Variants in ASNS observed in about 807,000 individuals in gnomAD.
ASNS encodes the protein asparagine synthetase (glutamine-hydrolyzing), also known as asparagine synthetase [glutamine-hydrolyzing].
In ASNS, 37 loss-of-function variants were observed where a neutral mutation model predicts 62.6. That is an observed-to-expected ratio of 0.59 (90% CI 0.45 to 0.78). The LOEUF is 0.78. Among genes scored for constraint, ASNS ranks in the 30% least tolerant of loss-of-function variants. The probability of loss-of-function intolerance (pLI) is 0.00; values close to 1 mark genes in which losing one functional copy is unlikely to be tolerated. For missense variants in ASNS, 520 were observed against 682.4 expected (o/e 0.76, Z 2.65); for synonymous variants, 207 against 237.9 (o/e 0.87, Z 1.19).
In ASNS at chr7:97,853,057, T is replaced by C; in HGVS notation, c.1476+3A>G. The C allele has an allele frequency of 2.6e-6, 4 of 1,562,412 alleles. No homozygotes were observed. Among genetic ancestry groups the C allele is most frequent in the Non-Finnish European group, 3.5e-6 (4 of 1,157,926 alleles). ...CCTGAAAATGTTTTTAAAGACATTA[T>C]ACCTGATGTTCAACGTATTCCTGTA... On this transcript the variant is annotated splice_donor_region_variant and intron_variant, in intron 12 of 12. Transcript: ENST00000394308.
chr7:97,896,619 CAT>C, the ASNS span, among the ~76,000 whole-genome samples: 5 of 125,476 alleles, frequency 4.0e-5, no homozygotes, highest in South Asian at 1.1e-3. Flanking sequence ...AAAAAAACCA[CAT>C]ATATATATGT....
the ASNS span, among the ~76,000 whole-genome samples, chr7:97,882,049 G>A: frequency 4.3e-4 from 66 of 152,096 alleles, no homozygotes; most frequent in African/African-American, 1.6e-3. Flanking sequence ...ACGAGGTCTC[G>A]TCCTGTTGCC....
At chr7:97,857,613 GT>G (rs1253531696) in intron 7 of ASNS, among the ~76,000 whole-genome samples, 16 of 78,606 alleles carry the variant, frequency 2.0e-4, no homozygotes, top group Admixed American at 1.4e-3. Context: ...ATGCCTTTAC[GT>G]TTAAAAAAAA....
upstream of ASNS, among the ~76,000 whole-genome samples, chr7:97,876,973 C>A (rs200236746): frequency 6.6e-6 from 1 of 152,118 alleles, no homozygotes; most frequent in Non-Finnish European, 1.5e-5. Flanking sequence ...CTTTCCTGAG[C>A]CTCAGACTCA....
At chr7:97,899,543 A>G in the ASNS span, among the ~76,000 whole-genome samples, 1 of 152,352 alleles carries the variant, frequency 6.6e-6, no homozygotes, top group East Asian at 1.9e-4. Flanking sequence ...AAACATTACC[A>G]GTCAATTTTA....
In ASNS at chr7:97,852,336, A is replaced by C. The variant is rs2115581844; in HGVS notation, c.1609T>G (p.Trp537Gly). ...PGRADWLSHYWMPKWINATDP... is the reference protein window; with the variant it reads ...PGRADWLSHYGMPKWINATDP... ...GTGGCATTGATCCACTTGGGCATCC[A>C]GTAATGGCTCAGCCAGTCAGCCCGG... is the stretch of plus-strand genomic sequence containing the variant. Residue 537 changes from tryptophan (W) to glycine (G), a missense_variant, in exon 13 of 13, where the codon TGG becomes GGG. Trp to Gly is a radical substitution (Grantham distance 184). Coordinates refer to ENST00000394308, the MANE Select transcript of ASNS (RefSeq NM_001673.5). The C allele has an allele frequency of 3.7e-6, 6 of 1,614,184 alleles. No individual in the cohort carries two copies. Among genetic ancestry groups the C allele is most frequent in the Non-Finnish European group, 5.1e-6 (6 of 1,180,030 alleles).
the ASNS span, among the ~76,000 whole-genome samples, chr7:97,877,704 T>C: frequency 3.9e-4 from 60 of 152,348 alleles, no homozygotes; most frequent in Non-Finnish European, 7.1e-4. Context: ...TGTGTCTCCT[T>C]GGAGGCTAAG....
intron 3 of ASNS, among the ~76,000 whole-genome samples, chr7:97,865,701 T>G (rs773524884): frequency 2.4e-4 from 36 of 152,206 alleles, no homozygotes; most frequent in Non-Finnish European, 4.4e-4. Flanking sequence ...TACAGGTCTT[T>G]TTGACATTTT....
chr7:97,859,463 G>T (rs1791615212), intron 4 of ASNS, 65 bp from the exon 5 acceptor site: 2 of 1,471,252 alleles, frequency 1.4e-6, no homozygotes, highest in Non-Finnish European at 1.8e-6. Flanking sequence ...TTCACGATTA[G>T]TTAACATCAT....
At chr7:97,887,914 A>G in the ASNS span, among the ~76,000 whole-genome samples, 1 of 152,200 alleles carries the variant, frequency 6.6e-6, no homozygotes, top group Non-Finnish European at 1.5e-5. Flanking sequence ...TTGGCCTGAC[A>G]CTACCAGTAA....
the ASNS span, among the ~76,000 whole-genome samples, chr7:97,925,502 C>T: frequency 2.6e-5 from 4 of 152,082 alleles, no homozygotes; most frequent in Non-Finnish European, 5.9e-5. Context: ...AGGATGGAGA[C>T]CAGAGATGCT....
At chr7:97,924,076 G>T in the ASNS span, among the ~76,000 whole-genome samples, 1,984 of 152,114 alleles carry the variant, frequency 0.013, 16 homozygotes, top group South Asian at 0.02. Context: ...GATCCGGCCT[G>T]CCAACCCTGC....
chr7:97,890,321 C>T, the ASNS span, among the ~76,000 whole-genome samples: 2 of 152,056 alleles, frequency 1.3e-5, no homozygotes, highest in African/African-American at 2.4e-5. Flanking sequence ...CTTCCAAATG[C>T]AGGAAGCTCA....
chr7:97,901,842 A>G, the ASNS span, among the ~76,000 whole-genome samples: 1 of 152,026 alleles, frequency 6.6e-6, no homozygotes, highest in Non-Finnish European at 1.5e-5. Context: ...GCCAGACATG[A>G]TGTTGTGCAC....
chr7:97,889,585 C>T, the ASNS span, among the ~76,000 whole-genome samples: 2 of 151,880 alleles, frequency 1.3e-5, no homozygotes, highest in African/African-American at 4.8e-5. Context: ...ATGCCAATTA[C>T]AGCTGAAGGA....
At chr7:97,882,855 A>G in the ASNS span, among the ~76,000 whole-genome samples, 1 of 152,210 alleles carries the variant, frequency 6.6e-6, no homozygotes, top group Non-Finnish European at 1.5e-5. Flanking sequence ...TTTCCACAGC[A>G]ATATTAAAAC....
At chr7:97,903,266 C>T in the ASNS span, among the ~76,000 whole-genome samples, 3 of 150,546 alleles carry the variant, frequency 2.0e-5, no homozygotes, top group African/African-American at 7.4e-5. Context: ...TTTTAATCAG[C>T]CTGGTGCCTT....
At chr7:97,889,805 A>G in the ASNS span, among the ~76,000 whole-genome samples, 1 of 151,870 alleles carries the variant, frequency 6.6e-6, no homozygotes, top group Non-Finnish European at 1.5e-5. Flanking sequence ...TCTCCAAAGA[A>G]GCACAATAAT....
At chr7:97,882,991 C>T in the ASNS span, among the ~76,000 whole-genome samples, 1 of 152,194 alleles carries the variant, frequency 6.6e-6, no homozygotes, top group Non-Finnish European at 1.5e-5. Context: ...GCCAAGTGTG[C>T]TTTTTGCTGG....
Sources: gnomAD v4.1 joint callset for allele counts (sites outside exome capture counted in the v4.1 genomes callset) on GRCh38, gnomAD v4.1.1 for gene constraint, MANE v1.5 for transcripts, NCBI Gene and HGNC (gene_info 2026-07-23, HGNC 2026-07-21) for gene names.